ELF1: variants seen among roughly 807,000 people sequenced by gnomAD.
ELF1 encodes the protein E74 like ETS transcription factor 1, also known as ETS-related transcription factor Elf-1.
ELF1 carries 24 observed loss-of-function variants against 59.9 expected under a neutral mutation model. The observed-to-expected ratio is 0.40, with a 90% CI of 0.29 to 0.56. ELF1 has a LOEUF of 0.56. Ranked by LOEUF, ELF1 falls within the 20% of genes least tolerant of loss-of-function variation. The pLI is 0.44. For missense variants in ELF1, 627 were observed against 742.2 expected, an observed-to-expected ratio of 0.84 and a Z score of 1.80; for synonymous variants, 248 against 266.2, an observed-to-expected ratio of 0.93 and a Z score of 0.67.
chr13:41,019,911 T>C (rs540772400), upstream of ELF1, among the ~76,000 whole-genome samples: 1 of 152,338 alleles, frequency 6.6e-6, no homozygotes, highest in East Asian at 1.9e-4. Flanking sequence ...ACAGAATTTT[T>C]AAAAACCCAC....
chr13:40,934,487 A>C (rs1472464000), intron 8 of ELF1, among the ~76,000 whole-genome samples: 2 of 124,774 alleles, frequency 1.6e-5, no homozygotes, highest in Non-Finnish European at 3.2e-5. Flanking sequence ...CAGTGGCGTG[A>C]TCTTGGCTCA....
chr13:41,036,342 T>C (rs913447694), intron 1 of ELF1, among the ~76,000 whole-genome samples: 1 of 152,258 alleles, frequency 6.6e-6, no homozygotes, highest in Non-Finnish European at 1.5e-5. Context: ...GAACAATTAA[T>C]ACTTTCTTTG....
chr13:40,996,471 A>G (rs1276231794), intron 1 of ELF1, among the ~76,000 whole-genome samples: 11 of 152,364 alleles, frequency 7.2e-5, no homozygotes, highest in Admixed American at 1.3e-4. Context: ...ATTCAGCACT[A>G]AAGAGAAATA....
intron 1 of ELF1, among the ~76,000 whole-genome samples, chr13:40,999,520 T>G (rs9594474): frequency 0.18 from 27,612 of 152,130 alleles, 2,684 homozygotes; most frequent in African/African-American, 0.22. Flanking sequence ...CAGTAGAATT[T>G]AGGCATGATT....
chr13:40,997,997 A>T (rs9594473), intron 1 of ELF1, among the ~76,000 whole-genome samples: 82,931 of 151,924 alleles, frequency 0.55, 25,841 homozygotes, highest in Non-Finnish European at 0.69. Flanking sequence ...CAAAAATAAA[A>T]AAATTCGCTG....
At chr13:40,950,877 T>C (rs1870804455) in intron 4 of ELF1, among the ~76,000 whole-genome samples, 1 of 152,244 alleles carries the variant, frequency 6.6e-6, no homozygotes. Context: ...TTTATGAATT[T>C]GATTGCTTGT....
At chr13:40,967,019 T>C (rs1010297570) in intron 2 of ELF1, among the ~76,000 whole-genome samples, 1 of 152,186 alleles carries the variant, frequency 6.6e-6, no homozygotes, top group Non-Finnish European at 1.5e-5. Context: ...CTCCAAAGCC[T>C]GTCCAATAAG....
chr13:40,993,413 G>A (rs961504512), intron 1 of ELF1: 4 of 730,134 alleles, frequency 5.5e-6, no homozygotes, highest in Admixed American at 2.3e-5. Flanking sequence ...GGGGCTGGGC[G>A]GCTCTGTCCT....
At chr13:40,935,503 C>A (rs568496433) in intron 8 of ELF1, among the ~76,000 whole-genome samples, 2 of 152,088 alleles carry the variant, frequency 1.3e-5, no homozygotes, top group Non-Finnish European at 1.5e-5. Flanking sequence ...ATTCAGGACA[C>A]GTTCAAAAGA....
Position 40,951,480 on chromosome 13 carries a change from C to G in ELF1, c.254-44G>C, listed in dbSNP as rs779554848. On this transcript the variant is annotated intron_variant, in intron 3 of 8. Transcript: ENST00000239882. ...GAAAATTAAATTAACTACGAGACAT[C>G]TGTTACTCTGAAAGTCATACACCGC... 51 of 1,517,972 alleles carry G rather than the reference C, an allele frequency of 3.4e-5. No individual in the cohort carries two copies. The South Asian group carries it at 5.4e-4, about 16-fold the overall frequency. 94.0% of individuals were successfully genotyped at this position (1,517,972 alleles called of 1,614,324 possible).
chr13:40,975,072 G>T (rs1354179580), intron 2 of ELF1, among the ~76,000 whole-genome samples: 1 of 152,158 alleles, frequency 6.6e-6, no homozygotes, highest in African/African-American at 2.4e-5. Context: ...GATTTAAAAA[G>T]AAGGCAACCA....
intron 1 of ELF1, among the ~76,000 whole-genome samples, chr13:41,018,188 AT>A (rs1478996932): frequency 6.6e-6 from 1 of 152,132 alleles, no homozygotes; most frequent in Non-Finnish European, 1.5e-5. Flanking sequence ...GCATATTCCA[AT>A]TTTATCTTCA....
intron 3 of ELF1, among the ~76,000 whole-genome samples, chr13:40,956,153 C>T (rs9525436): frequency 0.54 from 78,912 of 146,968 alleles, 24,301 homozygotes; most frequent in Non-Finnish European, 0.68. Flanking sequence ...GGGGAAAAGA[C>T]TGAGAAATCG....
At position 41,033,495 on chromosome 13, in the gene ELF1, A is replaced by ACTC. The variant is rs1408481730; in HGVS notation, c.-229+27342_-229+27343insGAG. ...TAAATACAACTTAGATGACAATCAA[A>ACTC]AGCATTATGCTGAGTGAAAGAAGCC... On this transcript the variant is annotated intron_variant, in intron 1 of 1. Transcript: ENST00000405737. Among the ~76,000 whole-genome samples the ACTC allele has an allele frequency of 2.0e-5, 3 of 152,230 alleles. No individual in the cohort carries two copies. The South Asian group carries it at 6.2e-4, about 31-fold the overall frequency.
chr13:40,934,075 T>C, intron 8 of ELF1, 47 bp from the exon 9 acceptor site: 1 of 1,556,748 alleles, frequency 6.4e-7, no homozygotes, highest in Non-Finnish European at 8.7e-7. Flanking sequence ...ATATTCTACA[T>C]CATTTAAAAC....
intron 3 of ELF1, among the ~76,000 whole-genome samples, chr13:40,955,570 GC>G (rs1871283149): frequency 1.5e-5 from 1 of 66,642 alleles, no homozygotes; most frequent in East Asian, 4.2e-4. Context: ...CCCCCACCCG[GC>G]CAGCCGCCCC....
intron 2 of ELF1, among the ~76,000 whole-genome samples, chr13:40,978,387 A>C (rs1000757225): frequency 6.6e-6 from 1 of 151,864 alleles, no homozygotes; most frequent in Admixed American, 6.6e-5. Context: ...CAAAAAAAAA[A>C]CAAAAAAGAA....
rs140207082 is a variant in ELF1, at chr13:41,038,412, G to A, written c.-229+22426C>T. Among the ~76,000 whole-genome samples the A allele has an allele frequency of 7.6e-3, 1,154 of 152,308 alleles. 6 individuals carry two copies. Among genetic ancestry groups the A allele is most frequent in the Non-Finnish European group, 0.013 (861 of 68,024 alleles). ...CAAGCCTATGGTCCCAGCTACTGGG[G>A]AGGCTGAGGCAGGAGGACTGCTTGA... On this transcript the variant is annotated intron_variant, in intron 1 of 1. Coordinates refer to the ELF1 transcript ENST00000405737.
chr13:40,942,338 T>A lies in ELF1; in HGVS notation c.806+614A>T, dbSNP rs117515245. The stretch of plus-strand genomic sequence containing the variant: ...TCAGATCGTTCTTATTTCCAATACA[T>A]CTTTCTCAAATACATGCGTATCTTG... On this transcript the variant is annotated intron_variant, in intron 7 of 8. Coordinates refer to ENST00000239882, the MANE Select transcript of ELF1 (RefSeq NM_172373.4). Among the ~76,000 whole-genome samples, 391 of 152,326 alleles carry A rather than the reference T, an allele frequency of 2.6e-3. 2 individuals are homozygous for A. Among genetic ancestry groups the A allele is most frequent in the Non-Finnish European group, 3.6e-3 (244 of 68,024 alleles).
Sources: allele counts gnomAD v4.1 joint callset (sites outside exome capture counted in the v4.1 genomes callset), GRCh38; gene constraint gnomAD v4.1.1; transcripts MANE v1.5; gene names NCBI Gene and HGNC (gene_info 2026-07-23, HGNC 2026-07-21).